Variants in MARK1 observed in about 807,000 individuals in gnomAD.
MARK1 encodes the protein microtubule affinity regulating kinase 1.
MARK1 carries 40 observed loss-of-function variants against 96.3 expected under a neutral mutation model. The observed-to-expected ratio is 0.42, with a 90% CI of 0.32 to 0.54. MARK1 has a LOEUF of 0.54. MARK1 is among the 20% of genes least tolerant of loss of function. The probability of loss-of-function intolerance (pLI) is 0.16; values close to 1 mark genes in which losing one functional copy is unlikely to be tolerated. For missense variants in MARK1, 719 were observed against 984.6 expected (o/e 0.73, Z 3.61); for synonymous variants, 317 against 341.2 (o/e 0.93, Z 0.78).
At chr1:220,631,716 G>A (rs969221458) in intron 10 of MARK1, among the ~76,000 whole-genome samples, 2 of 152,070 alleles carry the variant, frequency 1.3e-5, no homozygotes, top group Non-Finnish European at 2.9e-5. Context: ...AGAGTGGCAG[G>A]GGAGAGCATT....
intron 1 of MARK1, among the ~76,000 whole-genome samples, chr1:220,568,362 A>G (rs766375209): frequency 1.3e-5 from 2 of 152,158 alleles, no homozygotes; most frequent in East Asian, 1.9e-4. Context: ...TGTTCTAGGC[A>G]GAGGGTACAT....
intron 6 of MARK1, among the ~76,000 whole-genome samples, chr1:220,606,087 C>T (rs1164562331): frequency 1.3e-5 from 2 of 152,156 alleles, no homozygotes; most frequent in Non-Finnish European, 2.9e-5. Context: ...GAGGAATTGC[C>T]ACACTGTTTT....
intron 5 of MARK1, among the ~76,000 whole-genome samples, chr1:220,602,513 T>A (rs1266664729): frequency 6.6e-6 from 1 of 152,164 alleles, no homozygotes; most frequent in African/African-American, 2.4e-5. Context: ...CTGGGGTAAG[T>A]GTATTCTAGG....
intron 10 of MARK1, among the ~76,000 whole-genome samples, chr1:220,631,716 G>C (rs969221458): frequency 6.6e-6 from 1 of 152,070 alleles, no homozygotes; most frequent in East Asian, 1.9e-4. Flanking sequence ...AGAGTGGCAG[G>C]GGAGAGCATT....
In MARK1 at chr1:220,603,417, T is replaced by C. The variant is rs117945640; in HGVS notation, c.425-650T>C. Among the ~76,000 whole-genome samples, 100 of 152,182 alleles carry C rather than the reference T, an allele frequency of 6.6e-4. No homozygotes were observed. In the East Asian group the frequency reaches 0.017, roughly 25 times the overall value. On this transcript the variant is annotated intron_variant, in intron 5 of 17. Transcript: ENST00000366917. The stretch of plus-strand genomic sequence containing the variant: ...TCGTGTTCTGCCATGAAGATGAAGA[T>C]GCAAATTAAGTACAGATATTATGAT...
rs561088577 is a variant in MARK1, at chr1:220,558,479, A to T, written c.52-20875A>T. On this transcript the variant is annotated intron_variant, in intron 1 of 17. Transcript: ENST00000366917. ...CTTGTGTAAAAACTAGTAAAACATAACTCTAGCTATTTTAAAGTGACTAAA... is the reference window on the plus strand; with the variant it reads ...CTTGTGTAAAAACTAGTAAAACATATCTCTAGCTATTTTAAAGTGACTAAA... Among the ~76,000 whole-genome samples, 4 of 151,922 alleles carry T rather than the reference A, an allele frequency of 2.6e-5. No homozygotes were observed. In the South Asian group the frequency reaches 8.3e-4, roughly 32 times the overall value.
intron 6 of MARK1, among the ~76,000 whole-genome samples, chr1:220,607,272 C>T (rs1213218214): frequency 6.6e-6 from 1 of 152,054 alleles, no homozygotes; most frequent in African/African-American, 2.4e-5. Context: ...GTATTTTATT[C>T]TCTTTGTAGC....
At chr1:220,552,291 A>G (rs997895545) in intron 1 of MARK1, among the ~76,000 whole-genome samples, 3 of 152,174 alleles carry the variant, frequency 2.0e-5, no homozygotes, top group African/African-American at 7.2e-5. Flanking sequence ...TTTTTTTACT[A>G]ATGGATCACT....
intron 4 of MARK1, among the ~76,000 whole-genome samples, chr1:220,598,776 C>G (rs1665548266): frequency 6.6e-6 from 1 of 151,696 alleles, no homozygotes; most frequent in Non-Finnish European, 1.5e-5. Context: ...GGTGGATTGC[C>G]CGAGTTCAGG....
chr1:220,606,530 T>C (rs1158679872), intron 6 of MARK1, among the ~76,000 whole-genome samples: 1 of 152,236 alleles, frequency 6.6e-6, no homozygotes, highest in African/African-American at 2.4e-5. Context: ...TTAGTTTAAT[T>C]AGATCCTAAT....
intron 15 of MARK1, among the ~76,000 whole-genome samples, chr1:220,652,395 A>G (rs1488726974): frequency 6.6e-6 from 1 of 152,204 alleles, no homozygotes; most frequent in East Asian, 1.9e-4. Context: ...ACATCCGTCT[A>G]TAAAGTTAAA....
intron 1 of MARK1, among the ~76,000 whole-genome samples, chr1:220,564,314 A>T (rs1662893060): frequency 6.6e-6 from 1 of 152,178 alleles, no homozygotes; most frequent in Non-Finnish European, 1.5e-5. Context: ...GCCCAGTCGT[A>T]GGGCTGTATG....
chr1:220,641,404 C>T lies in MARK1; in HGVS notation c.1470+5378C>T, dbSNP rs1045619917. On this transcript the variant is annotated intron_variant, in intron 13 of 17. Transcript: ENST00000366917. ...ACCCTTCTACCGTGTGAAATCACAA[C>T]AAAAAGATGGCCATCTAGGAAGCGG... is the stretch of plus-strand genomic sequence containing the variant. Among the ~76,000 whole-genome samples, 5 of 152,220 alleles carry T rather than the reference C, an allele frequency of 3.3e-5. No homozygotes were observed. The East Asian group carries it at 9.7e-4, about 30-fold the overall frequency.
chr1:220,560,384 C>T (rs1049803410), intron 1 of MARK1, among the ~76,000 whole-genome samples: 1 of 152,284 alleles, frequency 6.6e-6, no homozygotes, highest in South Asian at 2.1e-4. Flanking sequence ...TTGTTCTTCC[C>T]ATGGATCTTA....
At chr1:220,610,323 T>A (rs1288626560) in intron 6 of MARK1, among the ~76,000 whole-genome samples, 1 of 152,240 alleles carries the variant, frequency 6.6e-6, no homozygotes, top group African/African-American at 2.4e-5. Context: ...TGATAGCCTT[T>A]CTTCCACTTG....
Position 220,657,858 on chromosome 1 carries a change from C to A in MARK1, c.2033+24C>A, listed in dbSNP as rs773399668. ...AGGTGAGGAGCCACTATTAATACTTCGCTGCTAGGTCCCTGTGTATGAAAA... is the reference window on the plus strand; with the variant it reads ...AGGTGAGGAGCCACTATTAATACTTAGCTGCTAGGTCCCTGTGTATGAAAA... On this transcript the variant is annotated intron_variant, in intron 17 of 17. Coordinates refer to ENST00000366917, the MANE Select transcript of MARK1 (RefSeq NM_018650.5). The A allele has an allele frequency of 2.6e-6, 4 of 1,515,942 alleles. No homozygotes were observed. The Admixed American group carries it at 6.7e-5, about 25-fold the overall frequency. 93.9% of individuals were successfully genotyped at this position (1,515,942 alleles called of 1,614,324 possible).
chr1:220,557,033 C>A (rs1463141213), intron 1 of MARK1, among the ~76,000 whole-genome samples: 1 of 151,944 alleles, frequency 6.6e-6, no homozygotes, highest in Non-Finnish European at 1.5e-5. Context: ...GAGAGAGATA[C>A]ATGTCTTCAG....
At position 220,606,995 on chromosome 1, in the gene MARK1, C is replaced by G. The variant is rs540885632; in HGVS notation, c.495+2858C>G. 4.9e-4 allele frequency among the ~76,000 whole-genome samples: 75 copies of G among 152,154 alleles called. No homozygotes were observed. In the East Asian group the frequency reaches 7.3e-3, roughly 15 times the overall value. ...TGTTCTTTTTGCTTAGGATTGTCTT[C>G]ACAATGCAGGCTCTTTTTTGGTTCC... On this transcript the variant is annotated intron_variant, in intron 6 of 17. Coordinates refer to ENST00000366917, the MANE Select transcript of MARK1 (RefSeq NM_018650.5).
intron 2 of MARK1, 73 bp downstream of exon 2, chr1:220,579,630 A>G (rs1664097538): frequency 6.6e-6 from 8 of 1,212,730 alleles, no homozygotes; most frequent in South Asian, 1.3e-5. Flanking sequence ...CTTATAGCCC[A>G]TGTTTGGGAG....
Sources: allele counts gnomAD v4.1 joint callset (sites outside exome capture counted in the v4.1 genomes callset), GRCh38; gene constraint gnomAD v4.1.1; transcripts MANE v1.5; gene names NCBI Gene and HGNC (gene_info 2026-07-23, HGNC 2026-07-21).